Variants in MEMO1 observed in about 807,000 individuals in gnomAD.
MEMO1 encodes protein MEMO1.
Under a neutral mutation model 45.2 loss-of-function variants are expected in MEMO1, and 6 were observed. The ratio of observed to expected loss-of-function variants is 0.13; its 90% CI spans 0.07 to 0.26. MEMO1 has a LOEUF of 0.26. Ranked by LOEUF, MEMO1 falls within the 10% of genes least tolerant of loss-of-function variation. The pLI is 1.00. For missense variants in MEMO1, 184 were observed against 370.5 expected, an observed-to-expected ratio of 0.50 and a Z score of 4.13; for synonymous variants, 78 against 124.3, an observed-to-expected ratio of 0.63 and a Z score of 2.48.
chr2:31,881,568 T>C (rs1034474379), intron 8 of MEMO1, among the ~76,000 whole-genome samples: 1 of 93,222 alleles, frequency 1.1e-5, no homozygotes, highest in Non-Finnish European at 2.4e-5. Flanking sequence ...AACAAGACAA[T>C]ACACTAAGAA....
intron 3 of MEMO1, among the ~76,000 whole-genome samples, chr2:31,933,348 A>ATATATATATATATATATAT (rs869203385): frequency 1.9e-4 from 3 of 16,178 alleles, no homozygotes; most frequent in African/African-American, 4.9e-4. Flanking sequence ...AAAAAAAAAA[A>ATATATATATATATATATAT]ATTTATATAT....
At chr2:31,906,650 A>G (rs367957547) in intron 6 of MEMO1, among the ~76,000 whole-genome samples, 1 of 152,118 alleles carries the variant, frequency 6.6e-6, no homozygotes, top group African/African-American at 2.4e-5. Flanking sequence ...TTCAGTCCCA[A>G]TCATCACTCC....
At position 31,901,970 on chromosome 2, in the gene MEMO1, T is replaced by TA. The variant is rs71405596; in HGVS notation, c.438-9837dup. Among the ~76,000 whole-genome samples, 90 of 150,680 alleles carry TA rather than the reference T, an allele frequency of 6.0e-4. No individual in the cohort carries two copies. In the South Asian group the frequency reaches 8.2e-3, roughly 14 times the overall value. ...TATTTACACAACTCTGTAGATTTAC[T>TA]AAAAAAAAACATTGAGTTGAGACCT... On this transcript the variant is annotated intron_variant, in intron 6 of 9. Coordinates refer to ENST00000404530, the MANE Select transcript of MEMO1 (RefSeq NM_001301833.4).
intron 7 of MEMO1, among the ~76,000 whole-genome samples, chr2:31,884,580 T>A (rs1675904645): frequency 6.6e-6 from 1 of 152,192 alleles, no homozygotes; most frequent in South Asian, 2.1e-4. Context: ...TGATGGGCAG[T>A]GCAAAATTAT....
intron 6 of MEMO1, among the ~76,000 whole-genome samples, chr2:31,892,860 A>T (rs1198402711): frequency 6.6e-6 from 1 of 152,220 alleles, no homozygotes; most frequent in Non-Finnish European, 1.5e-5. Context: ...TATGGAAAAG[A>T]AACAAAGTAG....
At chr2:31,954,699 T>C (rs1364708711) in intron 2 of MEMO1, among the ~76,000 whole-genome samples, 1 of 152,008 alleles carries the variant, frequency 6.6e-6, no homozygotes, top group Non-Finnish European at 1.5e-5. Context: ...CTGGGCATAG[T>C]GGTGCATACT....
intron 3 of MEMO1, among the ~76,000 whole-genome samples, chr2:31,940,394 C>T (rs1020277646): frequency 6.6e-6 from 1 of 152,126 alleles, no homozygotes; most frequent in African/African-American, 2.4e-5. Context: ...AAGATCAAAA[C>T]CAAAAACCTA....
intron 6 of MEMO1, among the ~76,000 whole-genome samples, chr2:31,892,358 T>C (rs958999745): frequency 3.3e-5 from 5 of 152,140 alleles, no homozygotes; most frequent in African/African-American, 7.2e-5. Context: ...CCATTTAAAC[T>C]ACAGAAATAT....
intron 2 of MEMO1, among the ~76,000 whole-genome samples, chr2:31,986,398 G>A (rs1671262170): frequency 6.6e-6 from 1 of 152,118 alleles, no homozygotes; most frequent in Non-Finnish European, 1.5e-5. Context: ...CATGAACCCG[G>A]AAGGCGGAGC....
At chr2:31,915,269 G>A (rs1489261017) in intron 6 of MEMO1, among the ~76,000 whole-genome samples, 1 of 152,156 alleles carries the variant, frequency 6.6e-6, no homozygotes, top group African/African-American at 2.4e-5. Context: ...TCCTGGGAGG[G>A]CTGGGTGTAT....
chr2:31,984,208 T>C (rs1468243805), intron 2 of MEMO1, among the ~76,000 whole-genome samples: 1 of 152,168 alleles, frequency 6.6e-6, no homozygotes. Context: ...CTTACTACCT[T>C]AACCAAACGA....
At chr2:32,000,585 C>G (rs900676827) in intron 2 of MEMO1, among the ~76,000 whole-genome samples, 2 of 151,690 alleles carry the variant, frequency 1.3e-5, no homozygotes, top group Non-Finnish European at 2.9e-5. Flanking sequence ...AGGCTGGTCT[C>G]AAACTCCTGA....
chr2:31,987,818 T>C (rs187220999), intron 2 of MEMO1, among the ~76,000 whole-genome samples: 18 of 152,202 alleles, frequency 1.2e-4, no homozygotes, highest in Admixed American at 2.6e-4. Flanking sequence ...CCTTAGTGTA[T>C]GGTAAAAAAA....
chr2:31,917,575 A>G (rs1198760243), intron 6 of MEMO1, among the ~76,000 whole-genome samples: 1 of 152,168 alleles, frequency 6.6e-6, no homozygotes, highest in African/African-American at 2.4e-5. Flanking sequence ...AAATTTTACG[A>G]TTAATTATAG....
chr2:31,968,139 A>G (rs942544566), intron 2 of MEMO1, among the ~76,000 whole-genome samples: 1 of 152,266 alleles, frequency 6.6e-6, no homozygotes, highest in Non-Finnish European at 1.5e-5. Context: ...CTTAATAAAA[A>G]TTAAGACTCT....
chr2:31,903,409 G>GA (rs1029437934), intron 6 of MEMO1, among the ~76,000 whole-genome samples: 4 of 18,828 alleles, frequency 2.1e-4, no homozygotes, highest in Admixed American at 1.6e-3. Context: ...AATACTCACA[G>GA]AAAAAAACAG....
At chr2:31,964,174 C>T (rs180694719) in intron 2 of MEMO1, among the ~76,000 whole-genome samples, 1 of 152,090 alleles carries the variant, frequency 6.6e-6, no homozygotes, top group African/African-American at 2.4e-5. Flanking sequence ...TGAACACCAT[C>T]GCAGCCTCCA....
At chr2:31,968,628 A>G (rs761534044) in intron 2 of MEMO1, among the ~76,000 whole-genome samples, 71 of 152,154 alleles carry the variant, frequency 4.7e-4, no homozygotes, top group Non-Finnish European at 5.6e-4. Context: ...TTTTCTTTCA[A>G]TTGTTTCCCT....
chr2:31,953,419 GACTT>G (rs1275707161), intron 2 of MEMO1, among the ~76,000 whole-genome samples: 5 of 150,822 alleles, frequency 3.3e-5, no homozygotes, highest in Non-Finnish European at 7.4e-5. Flanking sequence ...CTCAGAAATG[GACTT>G]ACTATGTAAA....
Sources: allele counts gnomAD v4.1 joint callset (sites outside exome capture counted in the v4.1 genomes callset), GRCh38; gene constraint gnomAD v4.1.1; transcripts MANE v1.5; gene names NCBI Gene and HGNC (gene_info 2026-07-23, HGNC 2026-07-21).